XKR6: variants seen among roughly 807,000 people sequenced by gnomAD.
XKR6 encodes the protein XK related 6.
In XKR6, 22 loss-of-function variants were observed where a neutral mutation model predicts 56.7. The observed-to-expected ratio is 0.39, with a 90% CI of 0.28 to 0.55. XKR6 has a LOEUF of 0.55. Among genes scored for constraint, XKR6 ranks in the 20% least tolerant of loss-of-function variants. The probability of loss-of-function intolerance (pLI) is 0.66; values close to 1 mark genes in which losing one functional copy is unlikely to be tolerated. For synonymous variants in XKR6, 524 were observed against 387.8 expected (o/e 1.35, Z -4.13); for missense variants, 852 against 889.0 (o/e 0.96, Z 0.53).
chr8:11,101,975 C>G (rs1798501034), intron 1 of XKR6, among the ~76,000 whole-genome samples: 1 of 152,084 alleles, frequency 6.6e-6, no homozygotes, highest in South Asian at 2.1e-4. Context: ...TCACGGATGC[C>G]ATCTGAGAAA....
intron 1 of XKR6, among the ~76,000 whole-genome samples, chr8:11,165,691 C>T (rs181123790): frequency 6.6e-6 from 1 of 152,284 alleles, no homozygotes; most frequent in Non-Finnish European, 1.5e-5. Context: ...GAATCCCAAT[C>T]CAGTATCAAA....
intron 1 of XKR6, among the ~76,000 whole-genome samples, chr8:10,945,146 C>T (rs546729405): frequency 5.9e-5 from 9 of 152,186 alleles, no homozygotes; most frequent in Non-Finnish European, 1.2e-4. Flanking sequence ...AGGGCTCAGG[C>T]CACCAGGGCC....
At chr8:11,137,872 T>C (rs1310540329) in intron 1 of XKR6, 5 of 361,392 alleles carry the variant, frequency 1.4e-5, no homozygotes, top group Non-Finnish European at 2.7e-5. Context: ...AAGACTGATA[T>C]ATTAAATAAA....
rs570635214 is a variant in XKR6 at position 11,011,948 on chromosome 8, T to C, written c.765-87118A>G. Reference sequence around the variant, plus strand: ...CTGGAAGCCACAAGCTTGGAGATGGTGCAGGAGGTGGCAGGGAACAAATGA... The same window carrying C: ...CTGGAAGCCACAAGCTTGGAGATGGCGCAGGAGGTGGCAGGGAACAAATGA... On this transcript the variant is annotated intron_variant, in intron 1 of 2. Transcript: ENST00000416569. Among the ~76,000 whole-genome samples the C allele has an allele frequency of 5.3e-5, 8 of 152,314 alleles. 1 individual carries two copies. In the South Asian group the frequency reaches 1.7e-3, roughly 32 times the overall value.
rs571388775 is a variant in XKR6, at chr8:11,039,931, G to C, written c.765-115101C>G. ...CAAGCTTCCTGTCCATGCCTTAAAA[G>C]CATAACTCGTTAACTGCTAAGGTGC... is the stretch of plus-strand genomic sequence containing the variant. On this transcript the variant is annotated intron_variant, in intron 1 of 2. Transcript: ENST00000416569. Among the ~76,000 whole-genome samples the C allele has an allele frequency of 3.9e-5, 6 of 152,350 alleles. No homozygotes were observed. In the South Asian group the frequency reaches 6.2e-4, roughly 16 times the overall value.
chr8:11,121,789 T>C lies in XKR6; in HGVS notation c.764+78787A>G, dbSNP rs1236629640. On this transcript the variant is annotated intron_variant, in intron 1 of 2. Coordinates refer to ENST00000416569, the MANE Select transcript of XKR6 (RefSeq NM_173683.4). ...AGCAAAGACTTGGAACCAACCCAAA[T>C]GTCCAACAATGATAGACTGGATTAA... Among the ~76,000 whole-genome samples the C allele has an allele frequency of 2.6e-5, 4 of 152,220 alleles. No homozygotes were observed. In the East Asian group the frequency reaches 7.7e-4, roughly 29 times the overall value.
intron 1 of XKR6, among the ~76,000 whole-genome samples, chr8:11,025,070 T>A (rs755744259): frequency 6.6e-6 from 1 of 152,124 alleles, no homozygotes; most frequent in Non-Finnish European, 1.5e-5. Context: ...GATCCCCCCA[T>A]CTTTCTACGA....
At chr8:11,134,804 C>T (rs181436976) in intron 1 of XKR6, among the ~76,000 whole-genome samples, 67 of 151,898 alleles carry the variant, frequency 4.4e-4, no homozygotes, top group Non-Finnish European at 8.8e-5. Context: ...TTTGTAACAG[C>T]AAGAATTAGA....
chr8:11,128,385 A>G, intron 1 of XKR6, among the ~76,000 whole-genome samples: 1 of 152,190 alleles, frequency 6.6e-6, no homozygotes. Flanking sequence ...TCCAGATTTT[A>G]TAGGTCTCAG....
chr8:10,974,780 G>T (rs996194014), intron 1 of XKR6, among the ~76,000 whole-genome samples: 1 of 152,196 alleles, frequency 6.6e-6, no homozygotes, highest in Admixed American at 6.5e-5. Context: ...AGTGAAGGAA[G>T]CGCACAGAGC....
At chr8:11,005,311 G>A (rs1045297095) in intron 1 of XKR6, among the ~76,000 whole-genome samples, 1 of 152,032 alleles carries the variant, frequency 6.6e-6, no homozygotes, top group African/African-American at 2.4e-5. Flanking sequence ...TTGACCTTGG[G>A]TAACTAAAAC....
At chr8:10,931,595 C>A (rs994655945) in intron 1 of XKR6, among the ~76,000 whole-genome samples, 8 of 151,966 alleles carry the variant, frequency 5.3e-5, no homozygotes, top group Non-Finnish European at 7.4e-5. Flanking sequence ...GGAAGAAGAC[C>A]CATATAATTA....
chr8:11,153,478 G>C (rs1311782621), intron 1 of XKR6, among the ~76,000 whole-genome samples: 1 of 152,182 alleles, frequency 6.6e-6, no homozygotes, highest in Non-Finnish European at 1.5e-5. Context: ...CTTTGATAAA[G>C]TCAATATAAA....
chr8:11,056,115 A>T (rs1799678308), intron 1 of XKR6, among the ~76,000 whole-genome samples: 1 of 152,108 alleles, frequency 6.6e-6, no homozygotes, highest in Non-Finnish European at 1.5e-5. Context: ...TCCTGGACCC[A>T]GTGCTGCTGG....
At chr8:11,151,711 A>G (rs1449221824) in intron 1 of XKR6, among the ~76,000 whole-genome samples, 1 of 150,352 alleles carries the variant, frequency 6.7e-6, no homozygotes, top group Non-Finnish European at 1.5e-5. Flanking sequence ...TTTTTTTTTA[A>G]TTTTCTCAAG....
intron 1 of XKR6, among the ~76,000 whole-genome samples, chr8:11,183,660 C>G (rs1186968247): frequency 6.6e-6 from 1 of 152,102 alleles, no homozygotes; most frequent in Non-Finnish European, 1.5e-5. Flanking sequence ...AAGATTACAT[C>G]TGTGCTAGTC....
chr8:10,990,969 C>T (rs775569617), intron 1 of XKR6, among the ~76,000 whole-genome samples: 5 of 140,606 alleles, frequency 3.6e-5, no homozygotes, highest in African/African-American at 5.4e-5. Context: ...ATGGCACGAT[C>T]TCAGCTCACT....
At chr8:10,976,498 C>A (rs553742681) in intron 1 of XKR6, among the ~76,000 whole-genome samples, 1 of 152,040 alleles carries the variant, frequency 6.6e-6, no homozygotes, top group African/African-American at 2.4e-5. Context: ...TCCCTCTGCG[C>A]CCCCCGGGTG....
chr8:11,102,731 G>C (rs1014721101), intron 1 of XKR6, among the ~76,000 whole-genome samples: 4 of 152,190 alleles, frequency 2.6e-5, no homozygotes, highest in Non-Finnish European at 5.9e-5. Flanking sequence ...AGGAGGGACA[G>C]AGCTGACATG....
Sources: gnomAD v4.1 joint callset for allele counts (sites outside exome capture counted in the v4.1 genomes callset) on GRCh38, gnomAD v4.1.1 for gene constraint, MANE v1.5 for transcripts, NCBI Gene and HGNC (gene_info 2026-07-23, HGNC 2026-07-21) for gene names.